PIK3C3: variants seen among roughly 807,000 people sequenced by gnomAD.
The protein encoded by PIK3C3 is PI3-kinase type 3.
In PIK3C3, 95 loss-of-function variants were observed where a neutral mutation model predicts 126.1. The observed-to-expected ratio is 0.75, with a 90% CI of 0.64 to 0.89. PIK3C3 has a LOEUF of 0.89. Among genes scored for constraint, PIK3C3 ranks in the 40% least tolerant of loss-of-function variants. PIK3C3 has a pLI of 0.00. For synonymous variants in PIK3C3, 374 were observed against 360.0 expected (o/e 1.04, Z -0.44); for missense variants, 829 against 1,063.2 (o/e 0.78, Z 3.06).
chr18:42,054,047 CTTATTT>C (rs1212213403), intron 21 of PIK3C3, among the ~76,000 whole-genome samples: 3 of 146,000 alleles, frequency 2.1e-5, no homozygotes, highest in Non-Finnish European at 3.0e-5. Flanking sequence ...AATGGTTATT[CTTATTT>C]TTATCTTAAT....
intron 24 of PIK3C3, among the ~76,000 whole-genome samples, chr18:42,073,235 C>G (rs969973179): frequency 6.6e-6 from 1 of 152,184 alleles, no homozygotes; most frequent in Non-Finnish European, 1.5e-5. Flanking sequence ...TCATCACTTG[C>G]AGTGTTCAAG....
At chr18:41,992,669 T>C (rs1981835308) in intron 6 of PIK3C3, among the ~76,000 whole-genome samples, 1 of 152,184 alleles carries the variant, frequency 6.6e-6, no homozygotes. Context: ...AGGATGGCTT[T>C]ATTTCTGAAA....
At chr18:42,064,533 A>C (rs1598948332) in intron 22 of PIK3C3, among the ~76,000 whole-genome samples, 1 of 152,320 alleles carries the variant, frequency 6.6e-6, no homozygotes, top group Middle Eastern at 3.4e-3. Flanking sequence ...ATGGTGTAGG[A>C]TTTAGAAATG....
chr18:42,004,956 A>T (rs1982472364), intron 10 of PIK3C3, among the ~76,000 whole-genome samples: 1 of 152,202 alleles, frequency 6.6e-6, no homozygotes, highest in South Asian at 2.1e-4. Flanking sequence ...GGGGCCTTTA[A>T]AGCTTAGAGA....
intron 22 of PIK3C3, among the ~76,000 whole-genome samples, chr18:42,063,258 C>A (rs927530074): frequency 7.2e-5 from 11 of 152,106 alleles, no homozygotes; most frequent in Non-Finnish European, 1.2e-4. Flanking sequence ...TTAGTTTACA[C>A]CCTCCTCCAG....
intron 24 of PIK3C3, 126 bp downstream of exon 24, chr18:42,067,639 A>T: frequency 1.0e-6 from 1 of 965,718 alleles, no homozygotes; most frequent in Non-Finnish European, 1.5e-6. Context: ...TCGTTTTGAC[A>T]TCTCACCAGC....
intron 1 of PIK3C3, 109 bp downstream of exon 1, chr18:41,955,468 A>G (rs749822865): frequency 2.2e-6 from 2 of 925,040 alleles, no homozygotes; most frequent in Admixed American, 2.0e-5. Flanking sequence ...CTCAAGGCCC[A>G]GATTGGGGGC....
At chr18:42,040,526 G>T in intron 18 of PIK3C3, 151 bp from the exon 19 acceptor site, 1 of 464,352 alleles carries the variant, frequency 2.2e-6, no homozygotes. Flanking sequence ...ATAAATGCCA[G>T]TACAAACTTA....
Position 42,004,622 on chromosome 18 carries a change from T to A in PIK3C3, c.1170+81T>A, listed in dbSNP as rs753255611. On this transcript the variant is annotated intron_variant, in intron 10 of 24. Coordinates refer to ENST00000262039, the MANE Select transcript of PIK3C3 (RefSeq NM_002647.4). ...TATAAACTATGTGTGTATGTGTGTGTGAGAGTGAGAGAGAGAGTGTGTGCA... is the reference window on the plus strand; with the variant it reads ...TATAAACTATGTGTGTATGTGTGTGAGAGAGTGAGAGAGAGAGTGTGTGCA... 3 of 1,063,286 alleles carry A rather than the reference T, an allele frequency of 2.8e-6. No homozygotes were observed. The East Asian group carries it at 7.7e-5, about 27-fold the overall frequency. The allele number at this position is 1,063,286 out of a possible 1,614,324, so 65.9% of individuals were successfully genotyped here. A position where few individuals can be genotyped will look rare whatever the true frequency, so the allele number is the denominator to read the frequency against.
At position 42,083,705 on chromosome 18, in the gene PIK3C3, G is replaced by A. The variant is rs1424813353; in HGVS notation, c.*2568G>A. ...TTCATATGCCTTATCTCATTATTCT[G>A]TGAGATAGAATTGTCTCCTCATTTT... On this transcript the variant is annotated 3_prime_UTR_variant, in exon 25 of 25. Coordinates refer to ENST00000262039, the MANE Select transcript of PIK3C3 (RefSeq NM_002647.4). The A allele has an allele frequency of 2.0e-5, 3 of 152,130 alleles. No individual in the cohort carries two copies. Among genetic ancestry groups the A allele is most frequent in the Admixed American group, 1.3e-4 (2 of 15,274 alleles). 9.4% of individuals were successfully genotyped at this position (152,130 alleles called of 1,614,324 possible). A position where few individuals can be genotyped will look rare whatever the true frequency, so the allele number is the denominator to read the frequency against.
At chr18:41,957,410 ATGT>A (rs1189437071) in intron 1 of PIK3C3, among the ~76,000 whole-genome samples, 157 bp from the exon 2 acceptor site, 1 of 152,220 alleles carries the variant, frequency 6.6e-6, no homozygotes, top group Non-Finnish European at 1.5e-5. Context: ...ATACAGGAAA[ATGT>A]TGTTTAGGTA....
At chr18:42,043,614 C>T in intron 19 of PIK3C3, 119 bp from the exon 20 acceptor site, 1 of 619,782 alleles carries the variant, frequency 1.6e-6, no homozygotes, top group Non-Finnish European at 2.9e-6. Context: ...CAGCATCTCT[C>T]ATACTGTATT....
At chr18:41,985,022 A>G (rs1389879808) in intron 4 of PIK3C3, 2 of 152,202 alleles carry the variant, frequency 1.3e-5, no homozygotes, top group Non-Finnish European at 2.9e-5. Context: ...GAGAGGGAGC[A>G]GCACTGAGAA....
chr18:42,038,977 C>G (rs2144466468), intron 18 of PIK3C3, 127 bp downstream of exon 18: 5 of 609,144 alleles, frequency 8.2e-6, no homozygotes, highest in South Asian at 6.3e-5. Flanking sequence ...ACAAGTTGGA[C>G]CTTCCTGCCT....
At chr18:41,987,342 G>A (rs893632214) in intron 4 of PIK3C3, among the ~76,000 whole-genome samples, 9 of 151,986 alleles carry the variant, frequency 5.9e-5, no homozygotes, top group African/African-American at 2.2e-4. Flanking sequence ...AAGCATACAT[G>A]CATATGTGTG....
intron 22 of PIK3C3, among the ~76,000 whole-genome samples, chr18:42,058,730 T>C (rs1370409808): frequency 1.3e-5 from 2 of 152,236 alleles, no homozygotes; most frequent in African/African-American, 4.8e-5. Context: ...GGACTGACTA[T>C]CATATGTCAT....
intron 24 of PIK3C3, among the ~76,000 whole-genome samples, chr18:42,074,733 G>A (rs1327078869): frequency 2.0e-5 from 3 of 151,580 alleles, no homozygotes; most frequent in Admixed American, 6.6e-5. Flanking sequence ...TTCTTTTGGT[G>A]ACCCACTTTT....
chr18:41,990,319 TAATAA>T (rs541169026), intron 5 of PIK3C3, 135 bp from the exon 6 acceptor site: 323 of 621,282 alleles, frequency 5.2e-4, no homozygotes, highest in Non-Finnish European at 8.1e-4. Context: ...TACATGTATA[TAATAA>T]AATAAAAATG....
At chr18:42,049,663 T>C (rs748777263) in intron 21 of PIK3C3, 58 bp downstream of exon 21, 1 of 1,290,446 alleles carries the variant, frequency 7.7e-7, no homozygotes, top group South Asian at 1.2e-5. Flanking sequence ...TTTTTACCCC[T>C]GAATCTATGT....
Sources: gnomAD v4.1 joint callset for allele counts (sites outside exome capture counted in the v4.1 genomes callset) on GRCh38, gnomAD v4.1.1 for gene constraint, MANE v1.5 for transcripts, NCBI Gene and HGNC (gene_info 2026-07-23, HGNC 2026-07-21) for gene names.